SLC25A48: variants seen among roughly 807,000 people sequenced by gnomAD.
SLC25A48 encodes solute carrier family 25 member 48.
A neutral mutation model predicts 32.2 loss-of-function variants in SLC25A48; 29 were observed. The ratio of observed to expected loss-of-function variants is 0.90; its 90% CI spans 0.67 to 1.23. SLC25A48 has a LOEUF of 1.23. SLC25A48 is among the 50% of genes most tolerant of loss of function. SLC25A48 has a pLI of 0.00. For synonymous variants in SLC25A48, 164 were observed against 172.3 expected, an observed-to-expected ratio of 0.95 and a Z score of 0.38; for missense variants, 399 against 422.7, an observed-to-expected ratio of 0.94 and a Z score of 0.49.
chr5:135,601,338 G>A (rs150431090), intron 1 of SLC25A48: 1 of 152,272 alleles, frequency 6.6e-6, no homozygotes, highest in Admixed American at 6.5e-5. Context: ...CATGTGAGAG[G>A]TTGCCACTGC....
chr5:135,633,042 G>A (rs1009413334), intron 2 of SLC25A48, among the ~76,000 whole-genome samples: 3 of 152,198 alleles, frequency 2.0e-5, no homozygotes, highest in Admixed American at 6.5e-5. Flanking sequence ...TTATGTGGGA[G>A]GACTGCAGCC....
At chr5:135,676,024 C>T (rs938750821) in intron 3 of SLC25A48, among the ~76,000 whole-genome samples, 3 of 151,736 alleles carry the variant, frequency 2.0e-5, no homozygotes, top group Admixed American at 1.3e-4. Flanking sequence ...TTGGTGAACA[C>T]GAATGCTACT....
At chr5:135,810,100 A>C (rs186145037) in intron 3 of SLC25A48, among the ~76,000 whole-genome samples, 54 of 152,272 alleles carry the variant, frequency 3.5e-4, no homozygotes, top group African/African-American at 1.3e-3. Flanking sequence ...AGCCTCCCAA[A>C]GTGCTGAGAT....
intron 3 of SLC25A48, among the ~76,000 whole-genome samples, chr5:135,648,058 G>C (rs896917107): frequency 6.6e-6 from 1 of 152,140 alleles, no homozygotes; most frequent in African/African-American, 2.4e-5. Context: ...GGCCTCAACG[G>C]GGAGATTCAT....
chr5:135,744,405 C>T (rs1755587685), intron 3 of SLC25A48, among the ~76,000 whole-genome samples: 1 of 151,810 alleles, frequency 6.6e-6, no homozygotes, highest in Non-Finnish European at 1.5e-5. Context: ...GGCTGGGGGG[C>T]AGTGGCATGA....
At chr5:135,759,234 T>C (rs1218208352) in intron 3 of SLC25A48, among the ~76,000 whole-genome samples, 3 of 152,158 alleles carry the variant, frequency 2.0e-5, no homozygotes, top group Admixed American at 6.6e-5. Context: ...TGTATATATA[T>C]ATGAAATAAA....
At chr5:135,646,681 A>ATATAT (rs1420073417) in intron 3 of SLC25A48, among the ~76,000 whole-genome samples, 6 of 144,404 alleles carry the variant, frequency 4.2e-5, no homozygotes, top group Non-Finnish European at 6.1e-5. Flanking sequence ...ATATATATAC[A>ATATAT]ATGGGAAGGA....
chr5:135,785,670 G>A (rs1756823915), intron 3 of SLC25A48, among the ~76,000 whole-genome samples: 1 of 151,240 alleles, frequency 6.6e-6, no homozygotes, highest in Non-Finnish European at 1.5e-5. Flanking sequence ...TGGGGAGAGG[G>A]GGGTGGAACA....
At chr5:135,646,659 T>TTATATATATATATATATATATATATATA (rs34299516) in intron 3 of SLC25A48, among the ~76,000 whole-genome samples, 1,553 of 124,728 alleles carry the variant, frequency 0.012, 65 homozygotes, top group Admixed American at 0.028. Context: ...TAATTTCCCA[T>TTATATATATATATATATATATATATATA]TATATATATA....
At chr5:135,618,164 A>G (rs1214754267) in intron 1 of SLC25A48, among the ~76,000 whole-genome samples, 2 of 152,090 alleles carry the variant, frequency 1.3e-5, no homozygotes, top group African/African-American at 4.8e-5. Context: ...TTATCATACA[A>G]TGACCTTCTT....
chr5:135,611,496 CAAAAAAA>C (rs57138043), intron 1 of SLC25A48, among the ~76,000 whole-genome samples: 70 of 21,328 alleles, frequency 3.3e-3, no homozygotes, highest in African/African-American at 9.5e-3. Flanking sequence ...GACTCCATCT[CAAAAAAA>C]AAAAAAAAAA....
chr5:135,887,230 C>T (rs571716961), intron 7 of SLC25A48, among the ~76,000 whole-genome samples: 3 of 152,216 alleles, frequency 2.0e-5, no homozygotes, highest in East Asian at 1.9e-4. Flanking sequence ...TCCGTTTTTG[C>T]GGCGAAGTCT....
rs555948077 is a variant in SLC25A48 at position 135,766,779 on chromosome 5, C to T, written c.-520-45744C>T. Among the ~76,000 whole-genome samples, 8 of 151,540 alleles carry T rather than the reference C, an allele frequency of 5.3e-5. No individual in the cohort carries two copies. The East Asian group carries it at 7.8e-4, about 15-fold the overall frequency. ...CCCCTGTGATATGGTTCATAATATA[C>T]GGGGTGGGAGAGGGTGATATTACTT... On this transcript the variant is annotated intron_variant, in intron 3 of 10. Transcript: ENST00000646290.
intron 7 of SLC25A48, among the ~76,000 whole-genome samples, chr5:135,886,644 A>G (rs1762736378): frequency 3.7e-5 from 1 of 27,196 alleles, no homozygotes; most frequent in Non-Finnish European, 6.3e-5. Flanking sequence ...TATAAAATAT[A>G]TATATGTGTG....
At chr5:135,716,186 A>G (rs1754791747) in intron 3 of SLC25A48, among the ~76,000 whole-genome samples, 1 of 152,164 alleles carries the variant, frequency 6.6e-6, no homozygotes, top group South Asian at 2.1e-4. Flanking sequence ...TGCTTCCTAC[A>G]GGAAAAAGTG....
intron 2 of SLC25A48, among the ~76,000 whole-genome samples, chr5:135,847,870 G>A (rs1224365833): frequency 6.6e-6 from 1 of 152,198 alleles, no homozygotes; most frequent in Non-Finnish European, 1.5e-5. Flanking sequence ...CATTCATGCT[G>A]TTTTAAGCCA....
At chr5:135,678,185 T>C (rs1476898588) in intron 3 of SLC25A48, among the ~76,000 whole-genome samples, 9 of 152,206 alleles carry the variant, frequency 5.9e-5, no homozygotes, top group Non-Finnish European at 1.3e-4. Context: ...GTGTCACATA[T>C]ACCACATAAG....
At chr5:135,769,961 A>G (rs62365709) in intron 3 of SLC25A48, among the ~76,000 whole-genome samples, 46,449 of 150,912 alleles carry the variant, frequency 0.31, 7,328 homozygotes, top group East Asian at 0.46. Flanking sequence ...ATTACTCCCA[A>G]TTTCGCAGGA....
chr5:135,646,643 A>G (rs1290593787), intron 3 of SLC25A48, among the ~76,000 whole-genome samples: 1 of 138,390 alleles, frequency 7.2e-6, no homozygotes, highest in Non-Finnish European at 1.5e-5. Context: ...ATACGCATTT[A>G]TAATATAATT....
Sources: gnomAD v4.1 joint callset for allele counts (sites outside exome capture counted in the v4.1 genomes callset) on GRCh38, gnomAD v4.1.1 for gene constraint, MANE v1.5 for transcripts, NCBI Gene and HGNC (gene_info 2026-07-23, HGNC 2026-07-21) for gene names.